BACH2: variants seen among roughly 807,000 people sequenced by gnomAD.
BACH2 encodes BACH transcriptional regulator 2.
BACH2 carries 5 observed loss-of-function variants against 61.8 expected under a neutral mutation model. The observed-to-expected ratio is 0.08, with a 90% confidence interval of 0.04 to 0.17. The LOEUF (loss-of-function observed/expected upper bound fraction) is 0.17, where lower values mean the gene tolerates loss of function less well. Ranked by LOEUF, BACH2 falls within the 10% of genes least tolerant of loss-of-function variation. The pLI, the probability that BACH2 is intolerant of heterozygous loss-of-function variation, is 1.00. For missense variants in BACH2, 824 were observed against 1,091.1 expected, an observed-to-expected ratio of 0.76 and a Z score of 3.45; for synonymous variants, 446 against 440.1, an observed-to-expected ratio of 1.01 and a Z score of -0.17.
intron 4 of BACH2, among the ~76,000 whole-genome samples, chr6:90,171,422 A>G (rs1048350266): frequency 6.6e-6 from 1 of 151,960 alleles, no homozygotes; most frequent in African/African-American, 2.4e-5. Flanking sequence ...TCAAGAAGAA[A>G]AAAAAAAACA....
chr6:90,132,341 C>G (rs1161126509), intron 4 of BACH2, among the ~76,000 whole-genome samples: 3 of 152,162 alleles, frequency 2.0e-5, no homozygotes, highest in Non-Finnish European at 4.4e-5. Flanking sequence ...TTGATCAAAT[C>G]TGGGTTATAT....
chr6:90,113,891 G>T (rs1392128714), intron 4 of BACH2, among the ~76,000 whole-genome samples: 1 of 151,790 alleles, frequency 6.6e-6, no homozygotes, highest in Non-Finnish European at 1.5e-5. Context: ...TTACAAACAC[G>T]TCTACACACA....
chr6:90,280,571 A>G (rs1449078651), intron 1 of BACH2, among the ~76,000 whole-genome samples: 1 of 152,216 alleles, frequency 6.6e-6, no homozygotes, highest in Non-Finnish European at 1.5e-5. Flanking sequence ...GGGATCTTAG[A>G]GACATTTAGC....
At chr6:90,128,417 C>T (rs1020234007) in intron 4 of BACH2, among the ~76,000 whole-genome samples, 2 of 152,122 alleles carry the variant, frequency 1.3e-5, no homozygotes, top group Non-Finnish European at 2.9e-5. Context: ...CCTGTTTCTA[C>T]TAAAAATATA....
At chr6:90,189,521 T>C (rs1768485048) in intron 4 of BACH2, among the ~76,000 whole-genome samples, 1 of 145,484 alleles carries the variant, frequency 6.9e-6, no homozygotes, top group South Asian at 2.1e-4. Flanking sequence ...GGCAGGAGAA[T>C]GGCGTGAACC....
At chr6:90,007,231 T>C (rs948419543) in intron 6 of BACH2, among the ~76,000 whole-genome samples, 1 of 151,972 alleles carries the variant, frequency 6.6e-6, no homozygotes, top group African/African-American at 2.4e-5. Context: ...CACACCACCA[T>C]GCCTGGCTAA....
At chr6:90,212,326 C>T (rs1203744314) in intron 3 of BACH2, among the ~76,000 whole-genome samples, 2 of 152,172 alleles carry the variant, frequency 1.3e-5, no homozygotes, top group Admixed American at 1.3e-4. Flanking sequence ...TGCATACACA[C>T]CTTCTTTCCA....
intron 4 of BACH2, among the ~76,000 whole-genome samples, chr6:90,104,096 A>G (rs904174180): frequency 5.3e-5 from 8 of 152,166 alleles, no homozygotes; most frequent in African/African-American, 1.9e-4. Context: ...GGGTCCCCTG[A>G]TATTATTTCC....
At chr6:90,028,629 C>T (rs1395739404) in intron 5 of BACH2, among the ~76,000 whole-genome samples, 1 of 152,166 alleles carries the variant, frequency 6.6e-6, no homozygotes, top group Non-Finnish European at 1.5e-5. Flanking sequence ...ATCTGTAATC[C>T]AGTGGTCACA....
At chr6:90,289,263 G>A (rs1225466677) in intron 1 of BACH2, among the ~76,000 whole-genome samples, 3 of 152,114 alleles carry the variant, frequency 2.0e-5, no homozygotes, top group African/African-American at 4.8e-5. Context: ...AAGAGAACAG[G>A]CCCAAGCATC....
intron 4 of BACH2, among the ~76,000 whole-genome samples, chr6:90,138,047 T>A (rs2127825638): frequency 7.6e-6 from 1 of 132,244 alleles, no homozygotes; most frequent in South Asian, 2.5e-4. Flanking sequence ...ACTATTCTAA[T>A]CATAAAACAC....
chr6:90,040,426 G>C (rs1393107514), intron 5 of BACH2, among the ~76,000 whole-genome samples: 1 of 151,818 alleles, frequency 6.6e-6, no homozygotes, highest in African/African-American at 2.4e-5. Flanking sequence ...CCACTGACTT[G>C]CCCATTAATG....
intron 5 of BACH2, among the ~76,000 whole-genome samples, chr6:90,040,503 TA>T (rs1256660602): frequency 6.6e-6 from 1 of 151,956 alleles, no homozygotes; most frequent in Admixed American, 6.5e-5. Flanking sequence ...TCTCTCTTTT[TA>T]TTCTTGGCTA....
At chr6:90,025,065 A>C (rs1026906066) in intron 5 of BACH2, among the ~76,000 whole-genome samples, 4 of 152,214 alleles carry the variant, frequency 2.6e-5, no homozygotes, top group Non-Finnish European at 4.4e-5. Context: ...CTGGGATTTA[A>C]CAATAGCATG....
At chr6:90,120,844 T>C (rs1271611386) in intron 4 of BACH2, among the ~76,000 whole-genome samples, 2 of 152,220 alleles carry the variant, frequency 1.3e-5, no homozygotes, top group African/African-American at 4.8e-5. Flanking sequence ...GCATAAACTG[T>C]TAATGTCAGC....
intron 1 of BACH2, among the ~76,000 whole-genome samples, chr6:90,290,376 G>A (rs1241373264): frequency 6.6e-6 from 1 of 152,190 alleles, no homozygotes; most frequent in East Asian, 1.9e-4. Context: ...CATGAGACCA[G>A]GGGCCAGGAC....
intron 5 of BACH2, among the ~76,000 whole-genome samples, chr6:90,016,421 A>G (rs536282324): frequency 2.2e-4 from 34 of 151,570 alleles, no homozygotes; most frequent in African/African-American, 6.8e-4. Context: ...TTGTTATTTC[A>G]TTGGTTGTTT....
chr6:90,209,938 T>C (rs1769285355), intron 3 of BACH2, among the ~76,000 whole-genome samples: 1 of 152,164 alleles, frequency 6.6e-6, no homozygotes, highest in Non-Finnish European at 1.5e-5. Context: ...ATACAGACTC[T>C]TAAGTGTGGG....
chr6:90,209,889 A>T (rs901671367), intron 3 of BACH2, among the ~76,000 whole-genome samples: 1 of 152,184 alleles, frequency 6.6e-6, no homozygotes, highest in Non-Finnish European at 1.5e-5. Context: ...AAATATTACG[A>T]TAGTTTTTTC....
Sources: gnomAD v4.1 joint callset for allele counts (sites outside exome capture counted in the v4.1 genomes callset) on GRCh38, gnomAD v4.1.1 for gene constraint, MANE v1.5 for transcripts, NCBI Gene and HGNC (gene_info 2026-07-23, HGNC 2026-07-21) for gene names.